NDUFB10: variants seen among roughly 807,000 people sequenced by gnomAD.
The protein encoded by NDUFB10 is NADH dehydrogenase [ubiquinone] 1 beta subcomplex subunit 10.
NDUFB10 carries 23 observed loss-of-function variants against 19.0 expected under a neutral mutation model. The ratio of observed to expected loss-of-function variants is 1.21; its 90% CI spans 0.87 to 1.71. The LOEUF is 1.71. Ranked by LOEUF, NDUFB10 falls within the 40% of genes most tolerant of loss-of-function variation. The probability of loss-of-function intolerance (pLI) is 0.00; values close to 1 mark genes in which losing one functional copy is unlikely to be tolerated. For synonymous variants in NDUFB10, 104 were observed against 81.8 expected (o/e 1.27, Z -1.46); for missense variants, 312 against 230.6 (o/e 1.35, Z -2.29).
chr16:1,960,083 GGCACCCCTCCACT>G (rs2083243303), intron 1 of NDUFB10, among the ~76,000 whole-genome samples: 1 of 152,132 alleles, frequency 6.6e-6, no homozygotes, highest in Non-Finnish European at 1.5e-5. Context: ...CGCCGCCCCG[GGCACCCCTCCACT>G]GCACCGCTGG....
At position 1,961,900 on chromosome 16, in the gene NDUFB10, C is replaced by G. The variant is rs201965625; in HGVS notation, c.513C>G (p.Thr171=). Residue 171 remains threonine (T), a synonymous_variant, in exon 4 of 4, where the codon ACC becomes ACG. Transcript: ENST00000268668. ...CTGCAAAAGAGGCCGCCGCTGCCAC[C>G]TCCTGAGGCAGCTGTGGGTGCCCCT... The part of the protein sequence containing the change: ...RKAAKEAAAA[T]S The G allele has an allele frequency of 1.3e-6, 2 of 1,559,066 alleles. No homozygotes were observed. The highest frequency in any genetic ancestry group is 1.7e-6 in the Non-Finnish European group (2 of 1,150,890).
Position 1,959,636 on chromosome 16 carries a change from C to A in NDUFB10, c.12C>A (p.Ser4Arg). ...CGCCCGCCGCCGCCATGCCGGACAG[C>A]TGGGACAAGGATGTGTACCCTGAGC... MPD[S>R]WDKDVYPEPP... The change falls in exon 1 of 4, where the codon AGC becomes AGA. Residue 4 changes from serine to arginine, a missense_variant. By Grantham distance (110) the Ser-to-Arg change is moderately radical. Transcript: ENST00000268668. 1 of 1,610,502 alleles carries A rather than the reference C, an allele frequency of 6.2e-7. No homozygotes were observed. The highest frequency in any genetic ancestry group is 1.1e-5 in the South Asian group (1 of 90,824).
chr16:1,959,589 G>A lies in NDUFB10; in HGVS notation c.-36G>A, dbSNP rs114155571. The stretch of plus-strand genomic sequence containing the variant: ...CCGGACGGAGGTAGAGGCCAGGGCA[G>A]CGCGTCCGGGAGCGGAGTCCGCGCC... On this transcript the variant is annotated 5_prime_UTR_variant, in exon 1 of 4. Transcript: ENST00000268668. 46,275 of 1,585,740 alleles carry A rather than the reference G, an allele frequency of 0.029. 850 individuals are homozygous for A. Among genetic ancestry groups the A allele is most frequent in the African/African-American group, 0.077 (5,768 of 74,474 alleles).
chr16:1,961,452 A>G (rs1405033827), intron 2 of NDUFB10, 45 bp from the exon 3 acceptor site: 3 of 1,609,466 alleles, frequency 1.9e-6, no homozygotes, highest in East Asian at 4.5e-5. Context: ...GGTACAGGAA[A>G]AGGATTCCTT....
At position 1,961,643 on chromosome 16, in the gene NDUFB10, G is replaced by GGGCCCCCCCCCCCCCCCCCCCCC; in HGVS notation, c.409+7_409+8insGGCCCCCCCCCCCCCCCCCCCCC. 31 of 1,546,440 alleles carry GGGCCCCCCCCCCCCCCCCCCCCC rather than the reference G, an allele frequency of 2.0e-5. No homozygotes were observed. Among genetic ancestry groups the GGGCCCCCCCCCCCCCCCCCCCCC allele is most frequent in the East Asian group, 4.7e-5 (2 of 42,836 alleles). On this transcript the variant is annotated splice_region_variant and intron_variant, in intron 3 of 3. Transcript: ENST00000268668. Reference sequence around the variant, plus strand: ...AAGGCCTACCAGGACCGCTGTGCGTGCCCCACCCACCCCCAACCCCCCACC... The same window carrying GGGCCCCCCCCCCCCCCCCCCCCC: ...AAGGCCTACCAGGACCGCTGTGCGTGGGCCCCCCCCCCCCCCCCCCCCCCCCCACCCACCCCCAACCCCCCACC...
chr16:1,961,233 T>G lies in NDUFB10; in HGVS notation c.211T>G (p.Cys71Gly). Reference sequence around the variant, plus strand: ...CCGCCGCGTGCCAGACATCACTGAGTGCAAGGAGGAGGACATCATGTGCAT... The same window carrying G: ...CCGCCGCGTGCCAGACATCACTGAGGGCAAGGAGGAGGACATCATGTGCAT... The part of the protein sequence containing the change: ...QYRRVPDITE[C>G]KEEDIMCMYE... Residue 71 changes from cysteine to glycine, a missense_variant, in exon 2 of 4, where the codon TGC becomes GGC. Coordinates refer to ENST00000268668, the MANE Select transcript of NDUFB10 (RefSeq NM_004548.3). 6.2e-7 allele frequency: 1 copy of G among 1,614,012 alleles called. No homozygotes were observed. The highest frequency in any genetic ancestry group is 8.5e-7 in the Non-Finnish European group (1 of 1,180,022).
chr16:1,961,643 G>GGGGCCCC lies in NDUFB10; in HGVS notation c.409+7_409+8insGGGCCCC. The GGGGCCCC allele has an allele frequency of 3.0e-5, 46 of 1,546,272 alleles. No homozygotes were observed. Among genetic ancestry groups the GGGGCCCC allele is most frequent in the Middle Eastern group, 2.3e-4 (1 of 4,370 alleles). ...AAGGCCTACCAGGACCGCTGTGCGT[G>GGGGCCCC]CCCCACCCACCCCCAACCCCCCACC... On this transcript the variant is annotated splice_region_variant and intron_variant, in intron 3 of 3. Coordinates refer to ENST00000268668, the MANE Select transcript of NDUFB10 (RefSeq NM_004548.3).
intron 1 of NDUFB10, 53 bp downstream of exon 1, chr16:1,959,807 C>G: frequency 4.4e-6 from 7 of 1,604,096 alleles, no homozygotes; most frequent in Non-Finnish European, 6.0e-6. Context: ...ACCCCTGGAT[C>G]CCACACCCTG....
At position 1,961,902 on chromosome 16, in the gene NDUFB10, CCT is replaced by C; in HGVS notation, c.516_517del (p.Ter173ArgfsTer13). The C allele has an allele frequency of 6.4e-7, 1 of 1,558,122 alleles. No homozygotes were observed. Among genetic ancestry groups the C allele is most frequent in the Non-Finnish European group, 8.7e-7 (1 of 1,150,360 alleles). On this transcript the variant is annotated frameshift_variant and stop_lost, in exon 4 of 4. Coordinates refer to ENST00000268668, the MANE Select transcript of NDUFB10 (RefSeq NM_004548.3). LOFTEE classifies it high-confidence loss of function. ...GCAAAAGAGGCCGCCGCTGCCACCTCCTGAGGCAGCTGTGGGTGCCCCTGCTG... is the reference window on the plus strand; with the variant it reads ...GCAAAAGAGGCCGCCGCTGCCACCTCGAGGCAGCTGTGGGTGCCCCTGCTG...
At chr16:1,960,477 C>G (rs55949541) in intron 1 of NDUFB10, among the ~76,000 whole-genome samples, 15,562 of 152,262 alleles carry the variant, frequency 0.1, 1,083 homozygotes, top group South Asian at 0.26. Flanking sequence ...CCCACCTTGG[C>G]CCCCAGGTGC....
At chr16:1,960,744 G>A (rs570090643) in intron 1 of NDUFB10, among the ~76,000 whole-genome samples, 17 of 152,296 alleles carry the variant, frequency 1.1e-4, no homozygotes, top group African/African-American at 3.6e-4. Context: ...AGCTGAGGCC[G>A]TAAGGTGGTA....
In NDUFB10 at chr16:1,959,556, C is replaced by G; in HGVS notation, c.-69C>G. On this transcript the variant is annotated 5_prime_UTR_variant, in exon 1 of 4. Transcript: ENST00000268668. The stretch of plus-strand genomic sequence containing the variant: ...GTCCTCTGTAGCGGGCGACCTAGGC[C>G]GCGGGACCCGGACGGAGGTAGAGGC... 1 of 1,516,944 alleles carries G rather than the reference C, an allele frequency of 6.6e-7. No homozygotes were observed. The highest frequency in any genetic ancestry group is 8.9e-7 in the Non-Finnish European group (1 of 1,128,694). 94.0% of individuals were successfully genotyped at this position (1,516,944 alleles called of 1,614,324 possible). A position where few individuals can be genotyped will look rare whatever the true frequency, so the allele number is the denominator to read the frequency against.
At chr16:1,960,353 C>T (rs1401956493) in intron 1 of NDUFB10, among the ~76,000 whole-genome samples, 1 of 152,030 alleles carries the variant, frequency 6.6e-6, no homozygotes. Context: ...CTCCCCAGTA[C>T]TAGGATTACA....
At position 1,961,913 on chromosome 16, in the gene NDUFB10, TG is replaced by T; in HGVS notation, c.*8del. ...CGCCGCTGCCACCTCCTGAGGCAGC[TG>T]TGGGTGCCCCTGCTGTGTGGCTCTG... On this transcript the variant is annotated 3_prime_UTR_variant, in exon 4 of 4. Coordinates refer to ENST00000268668, the MANE Select transcript of NDUFB10 (RefSeq NM_004548.3). 1 of 1,553,178 alleles carries T rather than the reference TG, an allele frequency of 6.4e-7. No homozygotes were observed. The highest frequency in any genetic ancestry group is 8.7e-7 in the Non-Finnish European group (1 of 1,146,666).
intron 1 of NDUFB10, among the ~76,000 whole-genome samples, chr16:1,960,856 T>A (rs4786902): frequency 0.54 from 81,881 of 152,096 alleles, 23,226 homozygotes; most frequent in African/African-American, 0.72. Flanking sequence ...GTCCCAGTCC[T>A]TGCCATCTGT....
rs376181801 is a variant in NDUFB10 at position 1,959,701 on chromosome 16, A to G, written c.77A>G (p.Tyr26Cys). 9 of 1,613,134 alleles carry G rather than the reference A, an allele frequency of 5.6e-6. No individual in the cohort carries two copies. Among genetic ancestry groups the G allele is most frequent in the East Asian group, 2.2e-5 (1 of 44,830 alleles). The change falls in exon 1 of 4, where the codon TAC (tyrosine) becomes TGC (cysteine). Residue 26 changes from tyrosine to cysteine, a missense_variant. By Grantham distance (194) the Tyr-to-Cys change is radical. Transcript: ENST00000268668. The stretch of plus-strand genomic sequence containing the variant: ...CCGGTGCAGCCCAATCCCATCGTCT[A>G]CATGATGAAAGCGTTCGACCTCATC... ...RTPVQPNPIVYMMKAFDLIVD... is the reference protein window; with the variant it reads ...RTPVQPNPIVCMMKAFDLIVD...
At chr16:1,960,909 G>A (rs1317227232) in intron 1 of NDUFB10, among the ~76,000 whole-genome samples, 1 of 152,190 alleles carries the variant, frequency 6.6e-6, no homozygotes, top group Non-Finnish European at 1.5e-5. Flanking sequence ...ACAGAGTAAG[G>A]TAATGCATGT....
intron 2 of NDUFB10, 53 bp from the exon 3 acceptor site, chr16:1,961,444 T>C: frequency 6.2e-7 from 1 of 1,606,790 alleles, no homozygotes; most frequent in South Asian, 1.1e-5. Context: ...TCTCACAGGG[T>C]ACAGGAAAAG....
rs112242130 is a variant in NDUFB10, at chr16:1,961,662, C to T, written c.409+26C>T. ...GTGCGTGCCCCACCCACCCCCAACC[C>T]CCCACCATCCTCCTGAGGCCTGGGG... is the stretch of plus-strand genomic sequence containing the variant. On this transcript the variant is annotated intron_variant, in intron 3 of 3. Transcript: ENST00000268668. The T allele has an allele frequency of 1.3e-4, 206 of 1,547,528 alleles. 1 individual carries two copies. The African/African-American group carries it at 2.4e-3, about 18-fold the overall frequency.
Sources: allele counts gnomAD v4.1 joint callset (sites outside exome capture counted in the v4.1 genomes callset), GRCh38; gene constraint gnomAD v4.1.1; transcripts MANE v1.5; gene names NCBI Gene and HGNC (gene_info 2026-07-23, HGNC 2026-07-21).